PCDHA7: variants seen among roughly 807,000 people sequenced by gnomAD.
The protein encoded by PCDHA7 is protocadherin alpha 7.
Under a neutral mutation model 57.2 loss-of-function variants are expected in PCDHA7, and 37 were observed. The ratio of observed to expected loss-of-function variants is 0.65; its 90% CI spans 0.50 to 0.85. The LOEUF is 0.85. PCDHA7 is among the 40% of genes least tolerant of loss of function. The probability of loss-of-function intolerance (pLI) is 0.00; values close to 1 mark genes in which losing one functional copy is unlikely to be tolerated. For synonymous variants in PCDHA7, 553 were observed against 558.8 expected (o/e 0.99, Z 0.15); for missense variants, 1,188 against 1,241.8 (o/e 0.96, Z 0.65).
chr5:140,854,841 T>C (rs2043239245), intron 1 of PCDHA7, among the ~76,000 whole-genome samples: 1 of 149,832 alleles, frequency 6.7e-6, no homozygotes, highest in South Asian at 2.1e-4. Context: ...TTCACTGACA[T>C]TGATAAAATT....
At position 140,836,548 on chromosome 5, in the gene PCDHA7, G is replaced by A; in HGVS notation, c.2165G>A (p.Arg722Gln). Residue 722 changes from arginine (R) to glutamine (Q), a missense_variant, in exon 1 of 4, where the codon CGG becomes CAG. Coordinates refer to ENST00000525929, the MANE Select transcript of PCDHA7 (RefSeq NM_018910.3). ...VLTLLLYTAL[R>Q]CSAPSSEGAC... ...ACCCTGCTGCTGTACACGGCGTTGCGGTGCTCAGCGCCGTCCTCTGAGGGC... is the reference window on the plus strand; with the variant it reads ...ACCCTGCTGCTGTACACGGCGTTGCAGTGCTCAGCGCCGTCCTCTGAGGGC... 2 of 1,613,750 alleles carry A rather than the reference G, an allele frequency of 1.2e-6. No homozygotes were observed. Among genetic ancestry groups the A allele is most frequent in the Admixed American group, 1.7e-5 (1 of 60,008 alleles).
In PCDHA7 at chr5:140,883,674, C is replaced by A. The variant is rs782029001; in HGVS notation, c.2355+46936C>A. The A allele has an allele frequency of 4.3e-5, 70 of 1,613,620 alleles. No homozygotes were observed. The highest frequency in any genetic ancestry group is 5.8e-5 in the Non-Finnish European group (69 of 1,179,878). On this transcript the variant is annotated intron_variant, in intron 1 of 3. Transcript: ENST00000525929. ...ACGGTGTTCGTGAAGGAAAACAATC[C>A]GCCGGGCTGCCACATCTTCACGGTG...
chr5:140,836,715 C>T lies in PCDHA7; in HGVS notation c.2332C>T (p.Gln778Ter). 1 of 1,612,974 alleles carries T rather than the reference C, an allele frequency of 6.2e-7. No individual in the cohort carries two copies. Among genetic ancestry groups the T allele is most frequent in the Non-Finnish European group, 8.5e-7 (1 of 1,179,284 alleles). ...DLMAFSPSLPQGPSSTDNPRQ... is the reference protein window; with the variant it reads ...DLMAFSPSLP Reference sequence around the variant, plus strand: ...CATGGCCTTCAGTCCCAGCCTTCCTCAGGGTCCATCCTCTACAGACAATGT... The same window carrying T: ...CATGGCCTTCAGTCCCAGCCTTCCTTAGGGTCCATCCTCTACAGACAATGT... The change falls in exon 1 of 4, where the codon CAG becomes TAG. Residue 778 changes from glutamine to a stop codon, truncating the protein, a stop_gained. Coordinates refer to ENST00000525929, the MANE Select transcript of PCDHA7 (RefSeq NM_018910.3). LOFTEE classifies it high-confidence loss of function.
chr5:140,849,774 G>A lies in PCDHA7; in HGVS notation c.2355+13036G>A, dbSNP rs2150449369. On this transcript the variant is annotated intron_variant, in intron 1 of 3. Transcript: ENST00000525929. ...GTCCGCCTACGAGCTGGTGGTTACC[G>A]CGCGGGACGGGGGCTCGCCTTCACT... 3 of 1,598,480 alleles carry A rather than the reference G, an allele frequency of 1.9e-6. No individual in the cohort carries two copies. In the South Asian group the frequency reaches 3.3e-5, roughly 18 times the overall value.
chr5:140,835,477 C>T lies in PCDHA7; in HGVS notation c.1094C>T (p.Pro365Leu), dbSNP rs2150236453. 1.2e-6 allele frequency: 2 copies of T among 1,613,948 alleles called. No individual in the cohort carries two copies. Among genetic ancestry groups the T allele is most frequent in the Non-Finnish European group, 1.7e-6 (2 of 1,179,880 alleles). Reference protein sequence around the residue: ...LSLPIPEDAQPGTVITLISVF... With the variant: ...LSLPIPEDAQLGTVITLISVF... Reference sequence around the variant, plus strand: ...CTCCCTATTCCAGAGGACGCCCAACCAGGTACCGTCATCACATTGATTAGC... The same window carrying T: ...CTCCCTATTCCAGAGGACGCCCAACTAGGTACCGTCATCACATTGATTAGC... The change falls in exon 1 of 4, where the codon CCA becomes CTA. Residue 365 changes from proline to leucine, a missense_variant. This residue lies in a region of PCDHA7 where 892 missense variants were observed against 788.5 expected (regional missense o/e 1.13). Transcript: ENST00000525929.
intron 1 of PCDHA7, chr5:140,869,935 A>T: frequency 1.2e-6 from 2 of 1,612,050 alleles, no homozygotes; most frequent in Admixed American, 1.7e-5. Flanking sequence ...TGGAGAGGTA[A>T]CATACTCCTT....
chr5:140,934,868 G>A (rs2090080725), intron 1 of PCDHA7, among the ~76,000 whole-genome samples: 1 of 152,128 alleles, frequency 6.6e-6, no homozygotes, highest in African/African-American at 2.4e-5. Flanking sequence ...CTTTGTGAGT[G>A]TGTTTGTGTA....
At chr5:140,870,425 C>A (rs531014522) in intron 1 of PCDHA7, 5 of 1,614,190 alleles carry the variant, frequency 3.1e-6, no homozygotes, top group Admixed American at 3.3e-5. Flanking sequence ...GCCAGGGTAT[C>A]CGTGGAGGTG....
chr5:140,921,741 A>AT (rs1554200411), intron 1 of PCDHA7, among the ~76,000 whole-genome samples: 1 of 152,202 alleles, frequency 6.6e-6, no homozygotes, highest in Non-Finnish European at 1.5e-5. Context: ...AATTATAAGC[A>AT]TAACAGGACA....
At chr5:140,984,471 A>G (rs2153834399) in intron 3 of PCDHA7, among the ~76,000 whole-genome samples, 1 of 152,300 alleles carries the variant, frequency 6.6e-6, no homozygotes, top group Middle Eastern at 3.4e-3. Context: ...CCCCTCTTGT[A>G]TAACCCATTT....
intron 1 of PCDHA7, among the ~76,000 whole-genome samples, chr5:140,932,575 G>A (rs1554208974): frequency 6.6e-6 from 1 of 151,674 alleles, no homozygotes; most frequent in South Asian, 2.1e-4. Context: ...TTTCCCATAG[G>A]GTAATTAGAT....
intron 1 of PCDHA7, chr5:140,855,962 G>A (rs2043697360): frequency 3.6e-6 from 5 of 1,403,344 alleles, no homozygotes; most frequent in Non-Finnish European, 4.8e-6. Flanking sequence ...ATAAAAAATA[G>A]ATATAAGAAA....
chr5:140,841,773 G>C (rs1292935559), intron 1 of PCDHA7: 2 of 1,613,894 alleles, frequency 1.2e-6, no homozygotes, highest in East Asian at 4.5e-5. Flanking sequence ...CCAGACTCTC[G>C]GTTTCCGCTA....
chr5:140,867,215 C>T (rs989219715), intron 1 of PCDHA7: 14 of 152,216 alleles, frequency 9.2e-5, no homozygotes, highest in South Asian at 2.1e-4. Flanking sequence ...ACATCTTCAT[C>T]CCCAATTCCC....
chr5:140,959,116 G>A (rs2095468018), intron 1 of PCDHA7, among the ~76,000 whole-genome samples: 1 of 152,002 alleles, frequency 6.6e-6, no homozygotes, highest in South Asian at 2.1e-4. Context: ...TCCGAAGGTG[G>A]GCGAGGTGAG....
chr5:140,876,481 C>T (rs1442284424), intron 1 of PCDHA7: 9 of 1,613,878 alleles, frequency 5.6e-6, no homozygotes, highest in Admixed American at 1.7e-5. Flanking sequence ...CAGCATGGTC[C>T]TGGTGGAAGT....
intron 1 of PCDHA7, chr5:140,863,488 A>C (rs1554158271): frequency 4.4e-6 from 2 of 451,898 alleles, no homozygotes; most frequent in African/African-American, 2.0e-5. Flanking sequence ...CCCAAGGTCA[A>C]CATTACGGCT....
chr5:140,855,185 T>C (rs1184210889), intron 1 of PCDHA7, among the ~76,000 whole-genome samples: 3 of 149,814 alleles, frequency 2.0e-5, no homozygotes, highest in African/African-American at 7.3e-5. Flanking sequence ...TGTGGCCAAA[T>C]TGAGGCCTGA....
At chr5:140,949,117 T>C (rs1295254726) in intron 1 of PCDHA7, among the ~76,000 whole-genome samples, 2 of 151,762 alleles carry the variant, frequency 1.3e-5, no homozygotes, top group Admixed American at 6.6e-5. Context: ...CAAATATTTT[T>C]GGTTTTCCTA....
Sources: gnomAD v4.1 joint callset for allele counts (sites outside exome capture counted in the v4.1 genomes callset) on GRCh38, gnomAD v4.1.1 for gene constraint, gnomAD v4.1.1 regional missense constraint, MANE v1.5 for transcripts, NCBI Gene and HGNC (gene_info 2026-07-23, HGNC 2026-07-21) for gene names.